MACROD2: variants seen among roughly 807,000 people sequenced by gnomAD.
MACROD2 encodes ADP-ribose glycohydrolase MACROD2.
A neutral mutation model predicts 70.4 loss-of-function variants in MACROD2; 36 were observed. That is an observed-to-expected ratio of 0.51 (90% CI 0.39 to 0.68). The LOEUF is 0.68. Among genes scored for constraint, MACROD2 ranks in the 30% least tolerant of loss-of-function variants. MACROD2 has a pLI of 0.00. For synonymous variants in MACROD2, 172 were observed against 178.8 expected (o/e 0.96, Z 0.30); for missense variants, 496 against 538.4 (o/e 0.92, Z 0.78).
At chr20:15,038,299 CTT>C (rs1757904907) in intron 5 of MACROD2, among the ~76,000 whole-genome samples, 1 of 152,106 alleles carries the variant, frequency 6.6e-6, no homozygotes, top group South Asian at 2.1e-4. Context: ...ACATGATTAA[CTT>C]TTATTTCCAA....
rs571001185 is a variant in MACROD2, at chr20:15,602,673, C to T, written c.645+102826C>T. ...CGTAGTTTTATCCAGAAAACAGAAG[C>T]CTCTTGAGGAGAGAGTAGTGGAGAA... is the stretch of plus-strand genomic sequence containing the variant. On this transcript the variant is annotated intron_variant, in intron 8 of 17. Coordinates refer to ENST00000684519, the MANE Select transcript of MACROD2 (RefSeq NM_001351661.2). Among the ~76,000 whole-genome samples the T allele has an allele frequency of 3.9e-5, 6 of 152,218 alleles. No individual in the cohort carries two copies. The South Asian group carries it at 1.0e-3, about 26-fold the overall frequency.
intron 3 of MACROD2, among the ~76,000 whole-genome samples, chr20:14,175,270 T>A (rs2081254849): frequency 1.3e-5 from 2 of 152,220 alleles, no homozygotes; most frequent in African/African-American, 2.4e-5. Flanking sequence ...GTTTCCCCTC[T>A]TGTCTTTGGG....
chr20:15,494,621 T>C (rs2047271098), intron 7 of MACROD2, among the ~76,000 whole-genome samples: 1 of 151,998 alleles, frequency 6.6e-6, no homozygotes, highest in Admixed American at 6.6e-5. Context: ...CAGACAAAAC[T>C]AACCTTTGAT....
chr20:15,845,895 C>T (rs175813), intron 8 of MACROD2, among the ~76,000 whole-genome samples: 119,404 of 152,050 alleles, frequency 0.79, 48,154 homozygotes, highest in South Asian at 0.97. Flanking sequence ...ACACACAAAA[C>T]TGTGACCAAT....
chr20:14,406,019 A>G (rs2083687228), intron 3 of MACROD2, among the ~76,000 whole-genome samples: 1 of 152,170 alleles, frequency 6.6e-6, no homozygotes, highest in South Asian at 2.1e-4. Flanking sequence ...CCTGTGGATC[A>G]TAACTGGACA....
intron 5 of MACROD2, among the ~76,000 whole-genome samples, chr20:15,019,879 A>G (rs138824270): frequency 6.6e-6 from 1 of 152,288 alleles, no homozygotes; most frequent in African/African-American, 2.4e-5. Context: ...ATTTTTACGA[A>G]CATTTTATTG....
intron 12 of MACROD2, 59 bp from the exon 13 acceptor site, chr20:15,967,494 A>C: frequency 7.3e-7 from 1 of 1,361,238 alleles, no homozygotes; most frequent in South Asian, 1.2e-5. Flanking sequence ...TTAGTGCTGA[A>C]AGCTGCTCTG....
chr20:14,122,819 C>A (rs1601248662), intron 3 of MACROD2, among the ~76,000 whole-genome samples: 1 of 152,202 alleles, frequency 6.6e-6, no homozygotes, highest in African/African-American at 2.4e-5. Flanking sequence ...ATCTTAGACT[C>A]CTGAGGTTGT....
At chr20:15,101,973 T>G (rs2075876520) in intron 5 of MACROD2, among the ~76,000 whole-genome samples, 1 of 151,972 alleles carries the variant, frequency 6.6e-6, no homozygotes, top group Non-Finnish European at 1.5e-5. Flanking sequence ...TTAAGAGTCC[T>G]AGTAAAAATA....
Position 13,995,843 on chromosome 20 carries a change from GGTGGGGGTTAGGGT to G in MACROD2, c.46+36_46+49del. The G allele has an allele frequency of 2.6e-6, 4 of 1,542,420 alleles. No individual in the cohort carries two copies. Among genetic ancestry groups the G allele is most frequent in the Non-Finnish European group, 3.5e-6 (4 of 1,140,746 alleles). On this transcript the variant is annotated intron_variant, in intron 1 of 17. Transcript: ENST00000684519. This position sits in a 1 kb window ranked among gnomAD's most constrained non-coding sequence, Gnocchi z 4.3. ...CCCGTCGAGTCCTGGGGGTGCGGGC[GGTGGGGGTTAGGGT>G]GGGGGCGGGGGTCAGGCTGTGTGTG... is the stretch of plus-strand genomic sequence containing the variant.
chr20:14,473,058 A>T (rs1355219608), intron 3 of MACROD2, among the ~76,000 whole-genome samples: 1 of 152,196 alleles, frequency 6.6e-6, no homozygotes, highest in African/African-American at 2.4e-5. Context: ...CATAGTAATT[A>T]TACATATTTA....
At chr20:15,845,548 C>G (rs1281566871) in intron 8 of MACROD2, among the ~76,000 whole-genome samples, 4 of 152,010 alleles carry the variant, frequency 2.6e-5, no homozygotes, top group Non-Finnish European at 5.9e-5. Flanking sequence ...CAGTAACCCC[C>G]TGTCGAAGTA....
intron 8 of MACROD2, among the ~76,000 whole-genome samples, chr20:15,585,464 G>A (rs1229125832): frequency 6.6e-6 from 1 of 152,114 alleles, no homozygotes; most frequent in Non-Finnish European, 1.5e-5. Flanking sequence ...CCAAAGTGCT[G>A]GGATTAGAGG....
rs569853494 is a variant in MACROD2, at chr20:14,178,256, A to G, written c.271+92528A>G. 2.3e-3 allele frequency among the ~76,000 whole-genome samples: 345 copies of G among 152,328 alleles called. 5 individuals are homozygous for G. The highest frequency in any genetic ancestry group is 8.0e-3 in the African/African-American group (333 of 41,582). On this transcript the variant is annotated intron_variant, in intron 3 of 17. Coordinates refer to ENST00000684519, the MANE Select transcript of MACROD2 (RefSeq NM_001351661.2). ...GCATGAGGTGATGGATAAAGTAGCT[A>G]CTCTGATTGGATCATTATACTACAT...
At chr20:15,108,215 G>C (rs2075926803) in intron 5 of MACROD2, among the ~76,000 whole-genome samples, 2 of 151,990 alleles carry the variant, frequency 1.3e-5, no homozygotes, top group African/African-American at 4.8e-5. Flanking sequence ...TGAGCTCTTA[G>C]AGTTTAGGTA....
chr20:15,808,478 A>T (rs551034374), intron 8 of MACROD2, among the ~76,000 whole-genome samples: 1 of 152,300 alleles, frequency 6.6e-6, no homozygotes, highest in Admixed American at 6.5e-5. Flanking sequence ...TTCTACATGC[A>T]TACACAAAAT....
At chr20:14,878,743 C>A (rs2073578395) in intron 5 of MACROD2, among the ~76,000 whole-genome samples, 1 of 151,996 alleles carries the variant, frequency 6.6e-6, no homozygotes, top group South Asian at 2.1e-4. Flanking sequence ...TAGTTATTAA[C>A]CAGCAGAATT....
chr20:14,122,277 T>G (rs867534504), intron 3 of MACROD2, among the ~76,000 whole-genome samples: 4 of 152,328 alleles, frequency 2.6e-5, no homozygotes, highest in Middle Eastern at 6.8e-3. Context: ...GTATCTCTGT[T>G]TCCTCATCTT....
intron 6 of MACROD2, among the ~76,000 whole-genome samples, chr20:15,285,890 G>A (rs537072045): frequency 1.3e-4 from 19 of 148,958 alleles, no homozygotes; most frequent in African/African-American, 4.2e-4. Flanking sequence ...ATTTTTTGGG[G>A]GGGTTGCATT....
Sources: allele counts gnomAD v4.1 joint callset (sites outside exome capture counted in the v4.1 genomes callset), GRCh38; gene constraint gnomAD v4.1.1; non-coding constraint Gnocchi (gnomAD v3.1); transcripts MANE v1.5; gene names NCBI Gene and HGNC (gene_info 2026-07-23, HGNC 2026-07-21).